Variants in LRP1B observed in about 807,000 individuals in gnomAD.
LRP1B encodes low-density lipoprotein receptor-related protein 1B.
A neutral mutation model predicts 556.6 loss-of-function variants in LRP1B; 217 were observed. The observed-to-expected ratio is 0.39, with a 90% confidence interval of 0.35 to 0.44. LRP1B has a LOEUF of 0.44. Among genes scored for constraint, LRP1B ranks in the 20% least tolerant of loss-of-function variants. LRP1B has a pLI of 1.00. For missense variants in LRP1B, 5,053 were observed against 5,620.8 expected (o/e 0.90, Z 3.23); for synonymous variants, 2,047 against 1,865.8 (o/e 1.10, Z -2.50).
chr2:141,123,655 A>G (rs16845479), intron 7 of LRP1B, among the ~76,000 whole-genome samples: 9,156 of 152,206 alleles, frequency 0.06, 526 homozygotes, highest in African/African-American at 0.15. Context: ...AACATAACTT[A>G]AAACTACCTT....
chr2:140,581,021 T>C (rs1158942340), intron 43 of LRP1B, among the ~76,000 whole-genome samples: 1 of 152,220 alleles, frequency 6.6e-6, no homozygotes, highest in Non-Finnish European at 1.5e-5. Flanking sequence ...TCAAAAGAAC[T>C]GCACTAGTTG....
At chr2:140,612,672 C>T (rs561991724) in intron 41 of LRP1B, among the ~76,000 whole-genome samples, 7 of 152,166 alleles carry the variant, frequency 4.6e-5, no homozygotes, top group Non-Finnish European at 8.8e-5. Flanking sequence ...GCGCTTGATC[C>T]GTCTTTAATC....
intron 67 of LRP1B, among the ~76,000 whole-genome samples, chr2:140,385,606 C>T (rs1683723803): frequency 6.6e-6 from 1 of 152,130 alleles, no homozygotes; most frequent in African/African-American, 2.4e-5. Flanking sequence ...TGTGAACTTG[C>T]ATCAAGGGTT....
chr2:140,420,226 T>A (rs1685378160), intron 66 of LRP1B, among the ~76,000 whole-genome samples: 1 of 150,290 alleles, frequency 6.7e-6, no homozygotes. Flanking sequence ...ATCAGTTCAA[T>A]AAAAAAAAAG....
At chr2:140,998,163 G>A (rs1298903284) in intron 15 of LRP1B, among the ~76,000 whole-genome samples, 1 of 152,054 alleles carries the variant, frequency 6.6e-6, no homozygotes, top group Non-Finnish European at 1.5e-5. Context: ...AAAGATCACA[G>A]AGTACCATTG....
intron 60 of LRP1B, among the ~76,000 whole-genome samples, chr2:140,473,456 T>C (rs1016615423): frequency 7.9e-5 from 12 of 151,960 alleles, no homozygotes; most frequent in Non-Finnish European, 1.6e-4. Flanking sequence ...TGTCTCTCTA[T>C]CCAAAGTCAC....
At chr2:141,339,320 C>T (rs1175452621) in intron 3 of LRP1B, among the ~76,000 whole-genome samples, 3 of 145,720 alleles carry the variant, frequency 2.1e-5, no homozygotes, top group East Asian at 4.0e-4. Context: ...AAAAAGCATT[C>T]AAAACTACTG....
At chr2:140,601,984 T>C (rs7586084) in intron 41 of LRP1B, among the ~76,000 whole-genome samples, 1 of 152,020 alleles carries the variant, frequency 6.6e-6, no homozygotes, top group African/African-American at 2.4e-5. Context: ...AGAGATGTTT[T>C]GGAAAACCTT....
At position 140,370,706 on chromosome 2, in the gene LRP1B, T is replaced by C. The variant is rs770831871; in HGVS notation, c.11008+4A>G. The C allele has an allele frequency of 6.2e-7, 1 of 1,612,288 alleles. No individual in the cohort carries two copies. Among genetic ancestry groups the C allele is most frequent in the East Asian group, 2.2e-5 (1 of 44,820 alleles). On this transcript the variant is annotated splice_donor_region_variant and intron_variant, in intron 71 of 90. Coordinates refer to ENST00000389484, the MANE Select transcript of LRP1B (RefSeq NM_018557.3). Reference sequence around the variant, plus strand: ...ACAGGCACACACACACAAAAATACCTTACCTCTTTCACAGTTCTCTTCATC... The same window carrying C: ...ACAGGCACACACACACAAAAATACCCTACCTCTTTCACAGTTCTCTTCATC...
chr2:140,752,528 T>C lies in LRP1B; in HGVS notation c.5758+16685A>G, dbSNP rs562157599. Among the ~76,000 whole-genome samples the C allele has an allele frequency of 9.2e-5, 14 of 152,142 alleles. No homozygotes were observed. The East Asian group carries it at 2.8e-3, about 30-fold the overall frequency. ...TTAGTAGAGACAGGGTTTTGCCATATTGGCCAGGCTGGTCTCAAATTCCTG... is the reference window on the plus strand; with the variant it reads ...TTAGTAGAGACAGGGTTTTGCCATACTGGCCAGGCTGGTCTCAAATTCCTG... On this transcript the variant is annotated intron_variant, in intron 35 of 90. Transcript: ENST00000389484.
intron 31 of LRP1B, among the ~76,000 whole-genome samples, chr2:140,821,580 G>A (rs967754791): frequency 6.6e-6 from 1 of 152,126 alleles, no homozygotes; most frequent in Non-Finnish European, 1.5e-5. Context: ...TTATTTTGAT[G>A]TGGGAAAAAG....
chr2:140,995,284 T>C (rs1384342169), intron 15 of LRP1B, among the ~76,000 whole-genome samples: 1 of 152,034 alleles, frequency 6.6e-6, no homozygotes, highest in Non-Finnish European at 1.5e-5. Context: ...CTTCTCTTTG[T>C]TTTTCGGCCA....
intron 2 of LRP1B, among the ~76,000 whole-genome samples, chr2:141,572,132 G>C (rs1210097805): frequency 1.3e-5 from 2 of 152,106 alleles, no homozygotes; most frequent in African/African-American, 2.4e-5. Context: ...ATAATCATCA[G>C]ATTCTCCAAG....
chr2:141,583,726 T>A (rs5026929), intron 2 of LRP1B, among the ~76,000 whole-genome samples: 45,864 of 151,628 alleles, frequency 0.3, 7,982 homozygotes, highest in Non-Finnish European at 0.39. Flanking sequence ...GTTTTGAAGG[T>A]AAATATAAGA....
At chr2:141,531,656 T>C (rs1684875191) in intron 2 of LRP1B, among the ~76,000 whole-genome samples, 1 of 152,178 alleles carries the variant, frequency 6.6e-6, no homozygotes, top group South Asian at 2.1e-4. Flanking sequence ...AATTAAATTT[T>C]GATCTGTTTT....
At chr2:140,597,826 T>C (rs1397393883) in intron 43 of LRP1B, among the ~76,000 whole-genome samples, 4 of 152,184 alleles carry the variant, frequency 2.6e-5, no homozygotes, top group Non-Finnish European at 5.9e-5. Context: ...TCCATGAGGC[T>C]TCAAATATTT....
chr2:141,133,878 A>G (rs1364686499), intron 7 of LRP1B, among the ~76,000 whole-genome samples: 1 of 151,888 alleles, frequency 6.6e-6, no homozygotes, highest in East Asian at 1.9e-4. Flanking sequence ...GAAGGTCCAG[A>G]TCCTATTCCT....
intron 1 of LRP1B, among the ~76,000 whole-genome samples, chr2:142,006,137 G>T (rs1451143862): frequency 6.6e-6 from 1 of 152,014 alleles, no homozygotes; most frequent in Admixed American, 6.6e-5. Flanking sequence ...ATGAGAACAT[G>T]ATTTCTATTG....
intron 1 of LRP1B, among the ~76,000 whole-genome samples, chr2:142,046,104 G>T (rs1293172871): frequency 6.6e-6 from 1 of 151,878 alleles, no homozygotes; most frequent in African/African-American, 2.4e-5. Flanking sequence ...AGTACTAAAT[G>T]ACTTCTTAAC....
Sources: gnomAD v4.1 joint callset for allele counts (sites outside exome capture counted in the v4.1 genomes callset) on GRCh38, gnomAD v4.1.1 for gene constraint, MANE v1.5 for transcripts, NCBI Gene and HGNC (gene_info 2026-07-23, HGNC 2026-07-21) for gene names.